The following SLC25A26 variants were observed in gnomAD, a reference collection of about 807,000 sequenced individuals.
SLC25A26 encodes the protein solute carrier family 25 member 26.
Under a neutral mutation model 37.8 loss-of-function variants are expected in SLC25A26, and 36 were observed. The ratio of observed to expected loss-of-function variants is 0.95; its 90% CI spans 0.73 to 1.26. SLC25A26 has a LOEUF of 1.26. SLC25A26 is among the 50% of genes most tolerant of loss of function. The pLI is 0.00. For missense variants in SLC25A26, 390 were observed against 331.1 expected (o/e 1.18, Z -1.38); for synonymous variants, 129 against 122.5 (o/e 1.05, Z -0.35).
At position 66,330,145 on chromosome 3, in the gene SLC25A26, G is replaced by T. The variant is rs149244209; in HGVS notation, c.454-16219G>T. On this transcript the variant is annotated intron_variant, in intron 5 of 9. Coordinates refer to ENST00000354883, the MANE Select transcript of SLC25A26 (RefSeq NM_001379210.1). Reference sequence around the variant, plus strand: ...GCCTGGCAGATAGGATGCAGTTTGTGTGAGAGAGCAAGCTGTCAAAAGTGA... The same window carrying T: ...GCCTGGCAGATAGGATGCAGTTTGTTTGAGAGAGCAAGCTGTCAAAAGTGA... 2.9e-3 allele frequency among the ~76,000 whole-genome samples: 444 copies of T among 152,292 alleles called. 1 individual carries two copies. The highest frequency in any genetic ancestry group is 0.01 in the African/African-American group (422 of 41,550).
At chr3:66,362,597 A>G (rs59910441) in intron 6 of SLC25A26, among the ~76,000 whole-genome samples, 168 of 152,340 alleles carry the variant, frequency 1.1e-3, no homozygotes, top group African/African-American at 3.6e-3. Flanking sequence ...AATTGTGGCG[A>G]TGATGTTTTG....
At chr3:66,303,872 A>T (rs2075142756) in intron 5 of SLC25A26, among the ~76,000 whole-genome samples, 1 of 152,206 alleles carries the variant, frequency 6.6e-6, no homozygotes, top group South Asian at 2.1e-4. Flanking sequence ...GGCGGTTGGC[A>T]GATGGCATTT....
At chr3:66,250,695 C>T (rs1553671668) in intron 3 of SLC25A26, among the ~76,000 whole-genome samples, 1 of 151,970 alleles carries the variant, frequency 6.6e-6, no homozygotes, top group Non-Finnish European at 1.5e-5. Context: ...AATTGAGGGT[C>T]ATCTGTACAA....
intron 1 of SLC25A26, among the ~76,000 whole-genome samples, chr3:66,211,984 T>A (rs1278921622): frequency 3.3e-5 from 5 of 152,252 alleles, no homozygotes; most frequent in Non-Finnish European, 5.9e-5. Context: ...GCAGTTTCAC[T>A]TTCTGTGATT....
At chr3:66,208,201 T>A (rs1457989963) in intron 1 of SLC25A26, among the ~76,000 whole-genome samples, 1 of 152,212 alleles carries the variant, frequency 6.6e-6, no homozygotes, top group Admixed American at 6.5e-5. Flanking sequence ...ATTTTACTTC[T>A]GCAAGCACCA....
chr3:66,337,635 T>A (rs1454541131), intron 5 of SLC25A26, among the ~76,000 whole-genome samples: 1 of 152,038 alleles, frequency 6.6e-6, no homozygotes, highest in Non-Finnish European at 1.5e-5. Context: ...ATCAGAAGAT[T>A]TATTCCAAAT....
At chr3:66,267,033 A>C (rs961974361) in intron 5 of SLC25A26, among the ~76,000 whole-genome samples, 1 of 152,156 alleles carries the variant, frequency 6.6e-6, no homozygotes, top group South Asian at 2.1e-4. Context: ...TGGAGTGCCT[A>C]CTGGGTCTTG....
At chr3:66,206,731 CTTGCTGTA>C (rs2071183126) in intron 1 of SLC25A26, among the ~76,000 whole-genome samples, 1 of 145,540 alleles carries the variant, frequency 6.9e-6, no homozygotes, top group Admixed American at 7.0e-5. Context: ...TAGACAGAGT[CTTGCTGTA>C]TTGCATAGGC....
chr3:66,336,667 C>A (rs536382943), intron 5 of SLC25A26, among the ~76,000 whole-genome samples: 1 of 152,196 alleles, frequency 6.6e-6, no homozygotes, highest in Admixed American at 6.5e-5. Context: ...CTGTGAATAA[C>A]CAAAAATGAA....
At chr3:66,216,311 A>G (rs2071360589), upstream of SLC25A26, among the ~76,000 whole-genome samples, 1 of 152,186 alleles carries the variant, frequency 6.6e-6, no homozygotes, top group South Asian at 2.1e-4. Flanking sequence ...CAGGAGTTCA[A>G]GACAAGCTTG....
At chr3:66,274,726 G>A (rs2074074819) in intron 5 of SLC25A26, among the ~76,000 whole-genome samples, 1 of 152,142 alleles carries the variant, frequency 6.6e-6, no homozygotes, top group Non-Finnish European at 1.5e-5. Flanking sequence ...AGTTAGAATG[G>A]CGATCATTAA....
At chr3:66,349,119 A>G (rs1342506967) in intron 6 of SLC25A26, among the ~76,000 whole-genome samples, 1 of 152,262 alleles carries the variant, frequency 6.6e-6, no homozygotes, top group Non-Finnish European at 1.5e-5. Context: ...GGACATTTGT[A>G]GAATTCTAGC....
In SLC25A26 at chr3:66,214,628, A is replaced by G. The variant is rs977693288; in HGVS notation, c.-353-6114A>G. Among the ~76,000 whole-genome samples, 345 of 152,112 alleles carry G rather than the reference A, an allele frequency of 2.3e-3. 1 individual carries two copies. Among genetic ancestry groups the G allele is most frequent in the African/African-American group, 7.7e-3 (318 of 41,488 alleles). Reference sequence around the variant, plus strand: ...ATCTATTTGTATTTCTACTTTTGTGATCTTTACTCATTTTTTTCTATTGGT... The same window carrying G: ...ATCTATTTGTATTTCTACTTTTGTGGTCTTTACTCATTTTTTTCTATTGGT... On this transcript the variant is annotated intron_variant, in intron 1 of 10. Coordinates refer to the SLC25A26 transcript ENST00000676754.
intron 1 of SLC25A26, among the ~76,000 whole-genome samples, chr3:66,161,220 G>T (rs1290499613): frequency 2.6e-5 from 4 of 151,506 alleles, no homozygotes; most frequent in African/African-American, 9.7e-5. Context: ...CTGTCAATTT[G>T]CTCTATGACT....
intron 3 of SLC25A26, among the ~76,000 whole-genome samples, chr3:66,253,033 C>G (rs1256843232): frequency 6.7e-6 from 1 of 148,752 alleles, no homozygotes; most frequent in African/African-American, 2.5e-5. Context: ...GCCCCCCCCC[C>G]CCCATAAATA....
chr3:66,266,375 C>T (rs897157448), intron 5 of SLC25A26, among the ~76,000 whole-genome samples: 3 of 152,082 alleles, frequency 2.0e-5, no homozygotes, highest in Admixed American at 1.3e-4. Context: ...TTGCCAAGAG[C>T]GTGTCTGTTG....
intron 5 of SLC25A26, among the ~76,000 whole-genome samples, chr3:66,263,784 G>A (rs545707100): frequency 3.3e-5 from 5 of 151,902 alleles, no homozygotes; most frequent in South Asian, 2.1e-4. Flanking sequence ...TCAGCCTCCC[G>A]AGTAGCTGGG....
At chr3:66,286,115 CT>C in intron 5 of SLC25A26, among the ~76,000 whole-genome samples, 1 of 152,150 alleles carries the variant, frequency 6.6e-6, no homozygotes, top group East Asian at 1.9e-4. Flanking sequence ...ATCCTTTGCC[CT>C]TAGGTGATTT....
At chr3:66,227,759 C>T (rs1034490375) in intron 1 of SLC25A26, among the ~76,000 whole-genome samples, 1 of 152,130 alleles carries the variant, frequency 6.6e-6, no homozygotes, top group African/African-American at 2.4e-5. Context: ...TCTCACTGGA[C>T]CTGCCCTTCT....
Sources: allele counts gnomAD v4.1 joint callset (sites outside exome capture counted in the v4.1 genomes callset), GRCh38; gene constraint gnomAD v4.1.1; transcripts MANE v1.5; gene names NCBI Gene and HGNC (gene_info 2026-07-23, HGNC 2026-07-21).